The following CENPH variants were observed in gnomAD, a reference collection of about 807,000 sequenced individuals.
CENPH encodes the protein CENP-H.
In CENPH, 40 loss-of-function variants were observed where a neutral mutation model predicts 42.9. That is an observed-to-expected ratio of 0.93 (90% CI 0.72 to 1.21). CENPH has a LOEUF of 1.21. CENPH is among the 50% of genes most tolerant of loss of function. The pLI is 0.00. For synonymous variants in CENPH, 88 were observed against 96.5 expected (o/e 0.91, Z 0.52); for missense variants, 302 against 292.9 (o/e 1.03, Z -0.23).
chr5:69,195,449 G>GA (rs1561321721), intron 3 of CENPH, among the ~76,000 whole-genome samples: 2 of 151,970 alleles, frequency 1.3e-5, no homozygotes, highest in African/African-American at 4.8e-5. Context: ...CATATATTGG[G>GA]AAGTTGTTAA....
At chr5:69,191,507 G>A (rs1747871893) in intron 1 of CENPH, among the ~76,000 whole-genome samples, 1 of 152,000 alleles carries the variant, frequency 6.6e-6, no homozygotes, top group Non-Finnish European at 1.5e-5. Context: ...GCAAGACTCC[G>A]TCTCAAAAAA....
Position 69,209,692 on chromosome 5 carries a change from T to G in CENPH, c.652-15T>G. 1 of 1,422,696 alleles carries G rather than the reference T, an allele frequency of 7.0e-7. No individual in the cohort carries two copies. The highest frequency in any genetic ancestry group is 9.7e-7 in the Non-Finnish European group (1 of 1,029,090). 88.1% of individuals were successfully genotyped at this position (1,422,696 alleles called of 1,614,324 possible). ...AAAGTACTTGTAACTTTAAAACAAT[T>G]TTTTTTCTTTACAGAACCTTATTTT... On this transcript the variant is annotated splice_polypyrimidine_tract_variant and intron_variant, in intron 8 of 8. Coordinates refer to ENST00000283006, the MANE Select transcript of CENPH (RefSeq NM_022909.4).
chr5:69,196,797 T>C (rs971963936), intron 4 of CENPH, among the ~76,000 whole-genome samples: 1 of 152,198 alleles, frequency 6.6e-6, no homozygotes, highest in African/African-American at 2.4e-5. Flanking sequence ...CTCATTCAGC[T>C]CAGGCCAGGT....
chr5:69,198,871 A>T (rs1748010204), intron 5 of CENPH, among the ~76,000 whole-genome samples: 1 of 151,902 alleles, frequency 6.6e-6, no homozygotes, highest in Non-Finnish European at 1.5e-5. Flanking sequence ...TGATTCTAGG[A>T]GGTCATGGGG....
chr5:69,208,655 G>T (rs1337721792), intron 8 of CENPH, among the ~76,000 whole-genome samples: 2 of 151,262 alleles, frequency 1.3e-5, no homozygotes, highest in African/African-American at 4.9e-5. Flanking sequence ...CACTGCGCCT[G>T]GCCAACTATT....
In CENPH at chr5:69,194,507, A is replaced by G; in HGVS notation, c.191-140A>G. On this transcript the variant is annotated intron_variant, in intron 2 of 8. Coordinates refer to ENST00000283006, the MANE Select transcript of CENPH (RefSeq NM_022909.4). ...TATTGGGTTAAATAAGTATATTAAA[A>G]TTAAATTTCACTGTTTCTTTTCTGT... The G allele has an allele frequency of 5.7e-6, 3 of 528,640 alleles. No homozygotes were observed. In the South Asian group the frequency reaches 9.2e-5, roughly 16 times the overall value. The allele number at this position is 528,640 out of a possible 1,614,324, so 32.7% of individuals were successfully genotyped here. A position where few individuals can be genotyped will look rare whatever the true frequency, so the allele number is the denominator to read the frequency against.
At chr5:69,192,531 C>G (rs1747893407) in intron 2 of CENPH, among the ~76,000 whole-genome samples, 1 of 152,184 alleles carries the variant, frequency 6.6e-6, no homozygotes, top group Admixed American at 6.6e-5. Context: ...TGACTATCTG[C>G]TCTTTTAGAG....
chr5:69,189,592 G>A lies in CENPH; in HGVS notation c.-43G>A. The stretch of plus-strand genomic sequence containing the variant: ...TGGCGGGAAAAGCGACCTTTTCTGA[G>A]CGCGTTTGCCTGTTGAGTGGTAGCC... On this transcript the variant is annotated 5_prime_UTR_variant, in exon 1 of 9. Coordinates refer to ENST00000283006, the MANE Select transcript of CENPH (RefSeq NM_022909.4). 6.5e-7 allele frequency: 1 copy of A among 1,529,748 alleles called. No individual in the cohort carries two copies. 94.8% of individuals were successfully genotyped at this position (1,529,748 alleles called of 1,614,324 possible). A position where few individuals can be genotyped will look rare whatever the true frequency, so the allele number is the denominator to read the frequency against.
At chr5:69,196,299 C>A (rs1334739921) in intron 4 of CENPH, among the ~76,000 whole-genome samples, 1 of 152,112 alleles carries the variant, frequency 6.6e-6, no homozygotes, top group Non-Finnish European at 1.5e-5. Flanking sequence ...GGGTTTAGGT[C>A]CTGATAAACC....
intron 1 of CENPH, among the ~76,000 whole-genome samples, 181 bp from the exon 2 acceptor site, chr5:69,191,605 CCTTAAAGTT>C (rs1319358055): frequency 6.6e-6 from 1 of 152,116 alleles, no homozygotes; most frequent in Non-Finnish European, 1.5e-5. Context: ...TCCTCTGAGG[CCTTAAAGTT>C]CTTTATACCC....
At chr5:69,196,803 C>T (rs919211735) in intron 4 of CENPH, among the ~76,000 whole-genome samples, 5 of 152,156 alleles carry the variant, frequency 3.3e-5, no homozygotes, top group African/African-American at 7.2e-5. Context: ...CAGCTCAGGC[C>T]AGGTTTCAGA....
Position 69,197,113 on chromosome 5 carries a change from T to C in CENPH, c.371+4T>C, listed in dbSNP as rs1183165445. 1 of 1,549,722 alleles carries C rather than the reference T, an allele frequency of 6.5e-7. No individual in the cohort carries two copies. The highest frequency in any genetic ancestry group is 8.7e-7 in the Non-Finnish European group (1 of 1,152,978). ...AGAAAATTAGCAGACAGTCTAGGTA[T>C]GATTTTTTTTTTCTCTGGATTCGGT... On this transcript the variant is annotated splice_donor_region_variant and intron_variant, in intron 5 of 8. Transcript: ENST00000283006.
At position 69,202,516 on chromosome 5, in the gene CENPH, G is replaced by T; in HGVS notation, c.382G>T (p.Asp128Tyr). 2 of 1,555,146 alleles carry T rather than the reference G, an allele frequency of 1.3e-6. No individual in the cohort carries two copies. Among genetic ancestry groups the T allele is most frequent in the Non-Finnish European group, 1.8e-6 (2 of 1,132,830 alleles). The stretch of plus-strand genomic sequence containing the variant: ...TTGTTTCCTTTTCAGTGTGCTCATG[G>T]ATAACATGAAACACCTATTAGAGCT... Reference protein sequence around the residue: ...KISRQSSVLMDNMKHLLELNK... With the variant: ...KISRQSSVLMYNMKHLLELNK... Residue 128 changes from aspartate (D) to tyrosine (Y), a missense_variant, in exon 6 of 9, where the codon GAT (aspartate) becomes TAT (tyrosine). Asp to Tyr is a radical substitution (Grantham distance 160). Coordinates refer to ENST00000283006, the MANE Select transcript of CENPH (RefSeq NM_022909.4).
At position 69,202,971 on chromosome 5, in the gene CENPH, G is replaced by C; in HGVS notation, c.487+1G>C. ...CTTGATATTAGAAAGAAGAGATTGC[G>C]TATGTAGAACACTTTTTTTTTGGCA... On this transcript the variant is annotated splice_donor_variant, in intron 7 of 8. Coordinates refer to ENST00000283006, the MANE Select transcript of CENPH (RefSeq NM_022909.4). LOFTEE classifies it high-confidence loss of function. The C allele has an allele frequency of 6.3e-7, 1 of 1,581,720 alleles. No homozygotes were observed. Among genetic ancestry groups the C allele is most frequent in the Non-Finnish European group, 8.6e-7 (1 of 1,156,972 alleles).
intron 7 of CENPH, among the ~76,000 whole-genome samples, chr5:69,204,368 G>A (rs1017399507): frequency 2.7e-5 from 4 of 146,698 alleles, no homozygotes; most frequent in African/African-American, 1.0e-4. Flanking sequence ...GCAGTTCAGT[G>A]CAGCTTTGAA....
intron 7 of CENPH, among the ~76,000 whole-genome samples, chr5:69,203,369 AT>A (rs1748089649): frequency 7.2e-6 from 1 of 138,442 alleles, no homozygotes; most frequent in African/African-American, 2.5e-5. Context: ...ATTTTTTAAT[AT>A]GGTATTTTTT....
At chr5:69,200,128 A>AC (rs1748034403) in intron 5 of CENPH, among the ~76,000 whole-genome samples, 1 of 151,746 alleles carries the variant, frequency 6.6e-6, no homozygotes, top group African/African-American at 2.4e-5. Context: ...AAAAAAAAAA[A>AC]AAAAACAGAA....
chr5:69,191,574 A>G (rs1747872878), intron 1 of CENPH, among the ~76,000 whole-genome samples: 1 of 152,194 alleles, frequency 6.6e-6, no homozygotes, highest in South Asian at 2.1e-4. Flanking sequence ...CTGTTTTCCC[A>G]GTGTATTCCA....
At chr5:69,199,205 G>A (rs1259565085) in intron 5 of CENPH, among the ~76,000 whole-genome samples, 1 of 152,068 alleles carries the variant, frequency 6.6e-6, no homozygotes, top group Non-Finnish European at 1.5e-5. Context: ...TTGAGACAGG[G>A]CCTCACTCTG....
Sources: allele counts gnomAD v4.1 joint callset (sites outside exome capture counted in the v4.1 genomes callset), GRCh38; gene constraint gnomAD v4.1.1; transcripts MANE v1.5; gene names NCBI Gene and HGNC (gene_info 2026-07-23, HGNC 2026-07-21).